WARS2: variants seen among roughly 807,000 people sequenced by gnomAD.
WARS2 encodes tryptophan--tRNA ligase, mitochondrial.
In WARS2, 28 loss-of-function variants were observed where a neutral mutation model predicts 36.5. The observed-to-expected ratio is 0.77, with a 90% CI of 0.57 to 1.05. The LOEUF (loss-of-function observed/expected upper bound fraction) is 1.05, where lower values mean the gene tolerates loss of function less well. Ranked by LOEUF, WARS2 falls within the 50% of genes least tolerant of loss-of-function variation. WARS2 has a pLI of 0.00. For missense variants in WARS2, 435 were observed against 456.8 expected (o/e 0.95, Z 0.44); for synonymous variants, 174 against 178.4 (o/e 0.98, Z 0.20).
intron 1 of WARS2, among the ~76,000 whole-genome samples, chr1:119,077,826 GA>G (rs1651866424): frequency 6.6e-6 from 1 of 151,988 alleles, no homozygotes; most frequent in Non-Finnish European, 1.5e-5. Context: ...ATTCCATAGT[GA>G]AAAACCAAAA....
intron 2 of WARS2, among the ~76,000 whole-genome samples, chr1:119,053,009 T>G (rs1341225236): frequency 6.6e-6 from 1 of 152,168 alleles, no homozygotes; most frequent in Non-Finnish European, 1.5e-5. Context: ...GTAAACCACA[T>G]GGACAAGTCC....
intron 2 of WARS2, among the ~76,000 whole-genome samples, chr1:119,060,412 A>G (rs1284819889): frequency 2.0e-5 from 3 of 152,216 alleles, no homozygotes; most frequent in African/African-American, 7.2e-5. Context: ...CCCTCTTCTC[A>G]TAAGGCCACA....
rs772257414 is a variant in WARS2, at chr1:119,033,158, TG to T, written c.835del (p.His279MetfsTer4). The T allele has an allele frequency of 1.9e-5, 30 of 1,614,164 alleles. No homozygotes were observed. Among genetic ancestry groups the T allele is most frequent in the Non-Finnish European group, 2.5e-5 (30 of 1,180,050 alleles). ...RAGVSNIVAVHAAVTGLSVEE... is the reference protein window; with the variant it reads ...RAGVSNIVAVXAAVTGLSVEE... ...CACGGAGAGCCCCGTCACCGCGGCA[TG>T]CACCGCCACTATGTTGGACACGCCA... On this transcript the variant is annotated frameshift_variant, in exon 6 of 6. Transcript: ENST00000235521. LOFTEE classifies it high-confidence loss of function.
intron 4 of WARS2, among the ~76,000 whole-genome samples, chr1:119,040,558 C>G (rs147679818): frequency 6.6e-6 from 1 of 152,170 alleles, no homozygotes; most frequent in Admixed American, 6.5e-5. Flanking sequence ...GTGATCCTCC[C>G]GCCTCAGCCT....
chr1:119,042,792 G>A (rs949573479), intron 3 of WARS2, among the ~76,000 whole-genome samples: 1 of 151,970 alleles, frequency 6.6e-6, no homozygotes, highest in Non-Finnish European at 1.5e-5. Flanking sequence ...ATGCCACTGA[G>A]AAAACTGGAA....
intron 1 of WARS2, among the ~76,000 whole-genome samples, chr1:119,130,644 T>C (rs904739133): frequency 6.6e-6 from 1 of 152,154 alleles, no homozygotes; most frequent in African/African-American, 2.4e-5. Context: ...CAAAAATGTA[T>C]GGTTTAAGTT....
rs1052466700 is a variant in WARS2 at position 119,135,723 on chromosome 1, T to C, written c.90+4832A>G. Reference sequence around the variant, plus strand: ...TAGATAGATTAGATAGACAGATAGATAGATAGATAGATAGATAGATAGATA... The same window carrying C: ...TAGATAGATTAGATAGACAGATAGACAGATAGATAGATAGATAGATAGATA... On this transcript the variant is annotated intron_variant, in intron 1 of 5. Coordinates refer to ENST00000235521, the MANE Select transcript of WARS2 (RefSeq NM_015836.4). Among the ~76,000 whole-genome samples the C allele has an allele frequency of 8.5e-5, 9 of 105,552 alleles. No homozygotes were observed. The South Asian group carries it at 2.3e-3, about 27-fold the overall frequency. The allele number at this position is 105,552 out of a possible 152,430, so 69.2% of individuals were successfully genotyped here.
chr1:119,140,344 T>G, intron 1 of WARS2: 1 of 403,488 alleles, frequency 2.5e-6, no homozygotes, highest in Middle Eastern at 6.5e-4. Flanking sequence ...AGCGGCGCGC[T>G]TTTTCCACCA....
At chr1:119,126,994 TG>T (rs1328414109) in intron 1 of WARS2, 13 of 741,594 alleles carry the variant, frequency 1.8e-5, no homozygotes, top group East Asian at 7.5e-5. Flanking sequence ...ATCCATGCCA[TG>T]GAAGTTAGGC....
chr1:119,068,825 A>ACTCTCTCTCTCACTCT (rs1651076445), intron 2 of WARS2, among the ~76,000 whole-genome samples: 1 of 149,404 alleles, frequency 6.7e-6, no homozygotes, highest in East Asian at 2.0e-4. Flanking sequence ...TCTCTCTCTT[A>ACTCTCTCTCTCACTCT]CTCTCTCTCT....
intron 2 of WARS2, among the ~76,000 whole-genome samples, chr1:119,072,673 T>C (rs986483211): frequency 3.9e-5 from 6 of 152,100 alleles, no homozygotes; most frequent in Non-Finnish European, 7.4e-5. Context: ...AAGCCTACTA[T>C]AAAAGTCATT....
At chr1:119,065,627 T>A in intron 2 of WARS2, among the ~76,000 whole-genome samples, 1 of 126,180 alleles carries the variant, frequency 7.9e-6, no homozygotes. Context: ...AGAGTGAGAC[T>A]CTGTCTCAAA....
intron 1 of WARS2, among the ~76,000 whole-genome samples, chr1:119,122,659 AG>A (rs1316014501): frequency 1.3e-5 from 2 of 152,290 alleles, no homozygotes; most frequent in East Asian, 3.9e-4. Flanking sequence ...CCATCAACCA[AG>A]TGGGTAAAGA....
At chr1:119,116,024 C>T (rs1011793063) in intron 1 of WARS2, among the ~76,000 whole-genome samples, 4 of 152,118 alleles carry the variant, frequency 2.6e-5, no homozygotes, top group African/African-American at 9.7e-5. Context: ...TATGCGTTTG[C>T]GCTATTGTGT....
rs759686301 is a variant in WARS2 at position 119,032,647 on chromosome 1, G to A, written c.*264C>T. On this transcript the variant is annotated 3_prime_UTR_variant, in exon 6 of 6. Coordinates refer to ENST00000235521, the MANE Select transcript of WARS2 (RefSeq NM_015836.4). ...CAATCACATTTCTGCAGGCCAAGGAGTGTGCCTCAATAATTGGGGATTCAG... is the reference window on the plus strand; with the variant it reads ...CAATCACATTTCTGCAGGCCAAGGAATGTGCCTCAATAATTGGGGATTCAG... The A allele has an allele frequency of 4.0e-5, 19 of 479,862 alleles. No individual in the cohort carries two copies. The highest frequency in any genetic ancestry group is 1.2e-4 in the African/African-American group (6 of 51,194). The allele number at this position is 479,862 out of a possible 1,614,324, so 29.7% of individuals were successfully genotyped here.
At chr1:119,034,786 A>G (rs1213941524) in intron 4 of WARS2, among the ~76,000 whole-genome samples, 1 of 152,228 alleles carries the variant, frequency 6.6e-6, no homozygotes, top group Non-Finnish European at 1.5e-5. Context: ...CTTAAAATCT[A>G]TAAGTACAAT....
intron 1 of WARS2, among the ~76,000 whole-genome samples, chr1:119,083,962 C>T (rs1283691781): frequency 6.6e-6 from 1 of 151,564 alleles, no homozygotes; most frequent in African/African-American, 2.4e-5. Flanking sequence ...AGAAGCACTA[C>T]AATTTTAAAA....
chr1:119,065,680 G>A lies in WARS2; in HGVS notation c.348+10670C>T, dbSNP rs1054979642. On this transcript the variant is annotated intron_variant, in intron 2 of 5. Transcript: ENST00000235521. ...AATAAATAAAAAAGATACAATAACA[G>A]CCTCACAAAATCAAAAGTATATCCT... Among the ~76,000 whole-genome samples, 15 of 148,556 alleles carry A rather than the reference G, an allele frequency of 1.0e-4. 3 individuals carry two copies. Among genetic ancestry groups the A allele is most frequent in the African/African-American group, 3.7e-4 (15 of 40,578 alleles).
At chr1:119,079,052 T>C (rs1651989578) in intron 1 of WARS2, among the ~76,000 whole-genome samples, 1 of 152,148 alleles carries the variant, frequency 6.6e-6, no homozygotes, top group African/African-American at 2.4e-5. Flanking sequence ...TGGAGTTTTT[T>C]TGCATATGGT....
Sources: gnomAD v4.1 joint callset for allele counts (sites outside exome capture counted in the v4.1 genomes callset) on GRCh38, gnomAD v4.1.1 for gene constraint, MANE v1.5 for transcripts, NCBI Gene and HGNC (gene_info 2026-07-23, HGNC 2026-07-21) for gene names.